Variants in FHIT observed in about 807,000 individuals in gnomAD.
The protein encoded by FHIT is bis(5'-adenosyl)-triphosphatase.
Under a neutral mutation model 17.9 loss-of-function variants are expected in FHIT, and 19 were observed. The ratio of observed to expected loss-of-function variants is 1.06; its 90% CI spans 0.74 to 1.56. The LOEUF (loss-of-function observed/expected upper bound fraction) is 1.56, where lower values mean the gene tolerates loss of function less well. Among genes scored for constraint, FHIT ranks in the 40% most tolerant of loss-of-function variants. The pLI is 0.00. For synonymous variants in FHIT, 81 were observed against 69.7 expected (o/e 1.16, Z -0.81); for missense variants, 248 against 189.2 (o/e 1.31, Z -1.82).
At chr3:60,360,517 T>C (rs1350934185) in intron 5 of FHIT, among the ~76,000 whole-genome samples, 1 of 152,194 alleles carries the variant, frequency 6.6e-6, no homozygotes, top group African/African-American at 2.4e-5. Context: ...GTTTTAATTC[T>C]GTCTTTCTGT....
chr3:60,472,535 AT>A (rs1370979759), intron 5 of FHIT, among the ~76,000 whole-genome samples: 2 of 151,702 alleles, frequency 1.3e-5, no homozygotes, highest in African/African-American at 4.8e-5. Flanking sequence ...CGCCGGGCTA[AT>A]TTTTTTGTGT....
chr3:60,991,272 T>A (rs2030186678), intron 3 of FHIT, among the ~76,000 whole-genome samples: 1 of 151,964 alleles, frequency 6.6e-6, no homozygotes, highest in South Asian at 2.1e-4. Flanking sequence ...CAAGAACAGA[T>A]GAAGTTCAAT....
At chr3:60,835,003 G>T (rs541387851) in intron 3 of FHIT, among the ~76,000 whole-genome samples, 1 of 151,460 alleles carries the variant, frequency 6.6e-6, no homozygotes, top group African/African-American at 2.4e-5. Flanking sequence ...TGAAATCTAA[G>T]AACTCTTTCC....
At chr3:60,871,387 T>C (rs995670921) in intron 3 of FHIT, among the ~76,000 whole-genome samples, 2 of 152,114 alleles carry the variant, frequency 1.3e-5, no homozygotes, top group African/African-American at 2.4e-5. Flanking sequence ...GGCTTTCTAC[T>C]ATCAAACTAC....
In FHIT at chr3:60,531,379, C is replaced by T. The variant is rs554826860; in HGVS notation, c.103+5481G>A. ...CTGCAAGCTCCGCCTCCCGGGTTCA[C>T]GCCATTCTCCTGCCTCAGCCTCCCG... On this transcript the variant is annotated intron_variant, in intron 5 of 9. Transcript: ENST00000492590. Among the ~76,000 whole-genome samples, 1,250 of 150,774 alleles carry T rather than the reference C, an allele frequency of 8.3e-3. 8 individuals are homozygous for T. The highest frequency in any genetic ancestry group is 0.014 in the Admixed American group (209 of 15,090).
At chr3:60,139,255 G>A (rs1224370874) in intron 5 of FHIT, among the ~76,000 whole-genome samples, 5 of 152,134 alleles carry the variant, frequency 3.3e-5, no homozygotes, top group Non-Finnish European at 7.3e-5. Context: ...CAATCACTGT[G>A]TCTACTTCAT....
intron 2 of FHIT, among the ~76,000 whole-genome samples, chr3:61,044,081 G>A (rs536451318): frequency 1.4e-3 from 206 of 152,290 alleles, no homozygotes; most frequent in African/African-American, 4.8e-3. Flanking sequence ...TCTTCTCCTC[G>A]AAAGGAACGC....
intron 5 of FHIT, among the ~76,000 whole-genome samples, chr3:60,054,155 A>G (rs367965840): frequency 2.0e-5 from 3 of 152,252 alleles, no homozygotes; most frequent in Non-Finnish European, 2.9e-5. Context: ...TTTTAATCAT[A>G]GAATTTTTTA....
intron 5 of FHIT, among the ~76,000 whole-genome samples, chr3:60,212,394 TA>T (rs1394629224): frequency 6.6e-6 from 1 of 152,128 alleles, no homozygotes; most frequent in African/African-American, 2.4e-5. Context: ...TTGTTGGATT[TA>T]AAAAGTTTAG....
chr3:60,717,536 G>C (rs902919826), intron 4 of FHIT, among the ~76,000 whole-genome samples: 1 of 152,076 alleles, frequency 6.6e-6, no homozygotes, highest in Non-Finnish European at 1.5e-5. Context: ...GAGGAGGCAG[G>C]GCTACCCGAG....
chr3:60,327,787 A>G (rs1670981312), intron 5 of FHIT, among the ~76,000 whole-genome samples: 1 of 152,200 alleles, frequency 6.6e-6, no homozygotes, highest in African/African-American at 2.4e-5. Context: ...AATGACCTAT[A>G]TTAGGGTCCC....
chr3:61,012,216 G>C (rs566854799), intron 3 of FHIT, among the ~76,000 whole-genome samples: 1 of 152,130 alleles, frequency 6.6e-6, no homozygotes, highest in South Asian at 2.1e-4. Context: ...GCACCTCTAA[G>C]AGAAAGAGGA....
intron 5 of FHIT, among the ~76,000 whole-genome samples, chr3:60,033,147 T>C (rs1701072005): frequency 6.6e-6 from 1 of 152,128 alleles, no homozygotes; most frequent in Admixed American, 6.5e-5. Flanking sequence ...AAAAGACATT[T>C]TAAAACAGTC....
intron 7 of FHIT, among the ~76,000 whole-genome samples, chr3:59,998,764 C>T (rs919544394): frequency 6.6e-6 from 1 of 152,112 alleles, no homozygotes. Flanking sequence ...TTCCTGTCCC[C>T]TTCCCTACAG....
chr3:59,952,517 T>G (rs374058622), intron 7 of FHIT, among the ~76,000 whole-genome samples: 3 of 152,150 alleles, frequency 2.0e-5, no homozygotes, highest in Non-Finnish European at 4.4e-5. Context: ...GCTAGAGGCA[T>G]GGCCTTTCAA....
intron 5 of FHIT, among the ~76,000 whole-genome samples, chr3:60,365,484 T>C (rs1169730010): frequency 6.6e-6 from 1 of 152,190 alleles, no homozygotes; most frequent in African/African-American, 2.4e-5. Context: ...AAATAGTAAC[T>C]GAGTCATACT....
intron 5 of FHIT, among the ~76,000 whole-genome samples, chr3:60,144,026 G>A (rs1240386005): frequency 2.0e-5 from 3 of 152,104 alleles, no homozygotes; most frequent in Non-Finnish European, 2.9e-5. Context: ...GCCCTCAGGA[G>A]AGCTGCCATG....
chr3:60,476,579 G>C (rs2033354075), intron 5 of FHIT, among the ~76,000 whole-genome samples: 1 of 152,182 alleles, frequency 6.6e-6, no homozygotes, highest in South Asian at 2.1e-4. Context: ...ACTAGGGAAA[G>C]CTTCTCCTGA....
intron 3 of FHIT, among the ~76,000 whole-genome samples, chr3:60,920,135 A>G (rs1026517380): frequency 4.6e-5 from 7 of 152,182 alleles, no homozygotes; most frequent in Non-Finnish European, 8.8e-5. Flanking sequence ...TTTTTTCAAT[A>G]AAATGGGAGA....
Sources: allele counts gnomAD v4.1 joint callset (sites outside exome capture counted in the v4.1 genomes callset), GRCh38; gene constraint gnomAD v4.1.1; transcripts MANE v1.5; gene names NCBI Gene and HGNC (gene_info 2026-07-23, HGNC 2026-07-21).